COG2: variants seen among roughly 807,000 people sequenced by gnomAD.
The protein encoded by COG2 is component of oligomeric golgi complex 2.
In COG2, 52 loss-of-function variants were observed where a neutral mutation model predicts 90.6. The observed-to-expected ratio is 0.57, with a 90% CI of 0.46 to 0.72. COG2 has a LOEUF of 0.72. Among genes scored for constraint, COG2 ranks in the 30% least tolerant of loss-of-function variants. The pLI is 0.00. For missense variants in COG2, 829 were observed against 891.2 expected (o/e 0.93, Z 0.89); for synonymous variants, 337 against 320.4 (o/e 1.05, Z -0.55).
intron 7 of COG2, chr1:230,670,571 G>A (rs1662423342): frequency 6.6e-6 from 1 of 152,026 alleles, no homozygotes; most frequent in Non-Finnish European, 1.5e-5. Context: ...TGTCTCTATG[G>A]GGGTGAAAAA....
chr1:230,692,335 C>G (rs574605798), intron 17 of COG2, among the ~76,000 whole-genome samples: 1 of 147,472 alleles, frequency 6.8e-6, no homozygotes, highest in South Asian at 2.1e-4. Context: ...AGAACTGATA[C>G]AATGTTAATA....
rs989464152 is a variant in COG2 at position 230,693,653 on chromosome 1, C to A, written c.*260C>A. 7.4e-5 allele frequency: 22 copies of A among 295,632 alleles called. No individual in the cohort carries two copies. The highest frequency in any genetic ancestry group is 1.4e-4 in the Non-Finnish European group (22 of 162,438). The allele number at this position is 295,632 out of a possible 1,614,324, so 18.3% of individuals were successfully genotyped here. ...AAACTTTCTACTATAGTTTACAGAA[C>A]AAATTATTTTATTTTTATTGTAAAT... is the stretch of plus-strand genomic sequence containing the variant. On this transcript the variant is annotated 3_prime_UTR_variant, in exon 18 of 18. Coordinates refer to ENST00000366669, the MANE Select transcript of COG2 (RefSeq NM_007357.3).
At chr1:230,679,608 G>A (rs992205848) in intron 10 of COG2, 3 of 152,192 alleles carry the variant, frequency 2.0e-5, no homozygotes, top group African/African-American at 7.2e-5. Flanking sequence ...GGAAAATGGT[G>A]ACATTTTTCT....
intron 3 of COG2, among the ~76,000 whole-genome samples, chr1:230,662,064 A>G (rs555374117): frequency 6.6e-6 from 1 of 151,248 alleles, no homozygotes; most frequent in East Asian, 2.0e-4. Flanking sequence ...TCCTCTCCAA[A>G]TTCTCTCCCA....
At chr1:230,643,338 C>T (rs1437587241) in intron 1 of COG2, among the ~76,000 whole-genome samples, 1 of 152,234 alleles carries the variant, frequency 6.6e-6, no homozygotes. Flanking sequence ...TCATCAGGCA[C>T]AGCCTTGAAA....
chr1:230,689,917 G>A (rs1662982222), intron 15 of COG2, 97 bp from the exon 16 acceptor site: 10 of 1,260,558 alleles, frequency 7.9e-6, no homozygotes, highest in African/African-American at 1.5e-5. Flanking sequence ...AAACTAGAAC[G>A]TTAATAGTAT....
At chr1:230,669,248 A>G in intron 6 of COG2, 108 bp from the exon 7 acceptor site, 1 of 963,982 alleles carries the variant, frequency 1.0e-6, no homozygotes. Flanking sequence ...TTTTGATTTT[A>G]TATATGTCAT....
At chr1:230,688,378 G>A (rs573983720) in intron 14 of COG2, 42 bp from the exon 15 acceptor site, 122 of 1,609,664 alleles carry the variant, frequency 7.6e-5, no homozygotes, top group Non-Finnish European at 1.0e-4. Context: ...TTCATGTCTG[G>A]GCCTGAGCAT....
chr1:230,669,636 G>A (rs1571953125), intron 7 of COG2, 101 bp downstream of exon 7: 6 of 1,082,294 alleles, frequency 5.5e-6, no homozygotes, highest in Non-Finnish European at 7.8e-6. Context: ...AGATCTTTCT[G>A]GAAAGATTCT....
intron 3 of COG2, 133 bp downstream of exon 3, chr1:230,660,956 C>T (rs950244102): frequency 1.1e-5 from 5 of 474,544 alleles, no homozygotes; most frequent in Non-Finnish European, 1.5e-5. Flanking sequence ...TTATAATACT[C>T]ATCCTCAGAA....
At chr1:230,652,154 T>C (rs892836474) in intron 1 of COG2, among the ~76,000 whole-genome samples, 3 of 151,672 alleles carry the variant, frequency 2.0e-5, no homozygotes, top group East Asian at 2.0e-4. Flanking sequence ...TACAAATCCC[T>C]TGTGCTCTGC....
At position 230,678,958 on chromosome 1, in the gene COG2, T is replaced by C. The variant is rs1192488549; in HGVS notation, c.1072T>C (p.Cys358Arg). 3 of 1,613,640 alleles carry C rather than the reference T, an allele frequency of 1.9e-6. No homozygotes were observed. Among genetic ancestry groups the C allele is most frequent in the Admixed American group, 3.3e-5 (2 of 59,996 alleles). ...TTTTGTCAGAAGATTGGAACGGCAGTGTGGATCACAGGCTAGTGTAAAGAG... is the reference window on the plus strand; with the variant it reads ...TTTTGTCAGAAGATTGGAACGGCAGCGTGGATCACAGGCTAGTGTAAAGAG... Reference protein sequence around the residue: ...MDFVRRLERQCGSQASVKRLR... With the variant: ...MDFVRRLERQRGSQASVKRLR... Residue 358 changes from cysteine (C) to arginine (R), a missense_variant, in exon 10 of 18, where the codon TGT becomes CGT. Coordinates refer to ENST00000366669, the MANE Select transcript of COG2 (RefSeq NM_007357.3).
chr1:230,674,952 A>G, intron 8 of COG2, 46 bp from the exon 9 acceptor site: 2 of 1,470,068 alleles, frequency 1.4e-6, no homozygotes, highest in Non-Finnish European at 9.2e-7. Flanking sequence ...TGCTCTTTGT[A>G]AGTAGATTAT....
chr1:230,693,104 GTGTT>G (rs1558282167), intron 17 of COG2, among the ~76,000 whole-genome samples, 184 bp from the exon 18 acceptor site: 3 of 152,096 alleles, frequency 2.0e-5, no homozygotes, highest in African/African-American at 7.2e-5. Flanking sequence ...AGAATGCTAA[GTGTT>G]TGACCCCAAA....
At chr1:230,674,180 A>G (rs1231646432) in intron 8 of COG2, among the ~76,000 whole-genome samples, 2 of 152,194 alleles carry the variant, frequency 1.3e-5, no homozygotes, top group Non-Finnish European at 2.9e-5. Context: ...GGCTTTTACT[A>G]TATGTTAGGC....
At chr1:230,659,073 ATT>A (rs534439225) in intron 1 of COG2, among the ~76,000 whole-genome samples, 397 of 150,278 alleles carry the variant, frequency 2.6e-3, no homozygotes, top group Non-Finnish European at 4.3e-3. Flanking sequence ...AATTTCAGTG[ATT>A]TTTTTTTTAC....
At chr1:230,666,072 C>T (rs968873316) in intron 5 of COG2, among the ~76,000 whole-genome samples, 36 of 152,248 alleles carry the variant, frequency 2.4e-4, no homozygotes, top group Admixed American at 1.8e-3. Context: ...TATCTGCAGA[C>T]GAACTTCTGT....
intron 1 of COG2, among the ~76,000 whole-genome samples, chr1:230,644,262 A>C (rs556479572): frequency 1.3e-5 from 2 of 152,260 alleles, no homozygotes; most frequent in Non-Finnish European, 2.9e-5. Context: ...AAGTGACAAC[A>C]TACATAGAAG....
chr1:230,689,718 C>A (rs1206782532), intron 15 of COG2, among the ~76,000 whole-genome samples: 2 of 152,208 alleles, frequency 1.3e-5, no homozygotes. Context: ...GGACGTGAGG[C>A]CACGGGAAGC....
Sources: gnomAD v4.1 joint callset for allele counts (sites outside exome capture counted in the v4.1 genomes callset) on GRCh38, gnomAD v4.1.1 for gene constraint, MANE v1.5 for transcripts, NCBI Gene and HGNC (gene_info 2026-07-23, HGNC 2026-07-21) for gene names.